WWOX: variants seen among roughly 807,000 people sequenced by gnomAD.
WWOX encodes WW domain-containing oxidoreductase.
A neutral mutation model predicts 46.2 loss-of-function variants in WWOX; 69 were observed. That is an observed-to-expected ratio of 1.49 (90% CI 1.23 to 1.82). The LOEUF (loss-of-function observed/expected upper bound fraction) is 1.82, where lower values mean the gene tolerates loss of function less well. WWOX is among the 40% of genes most tolerant of loss of function. The probability of loss-of-function intolerance (pLI) is 0.00; values close to 1 mark genes in which losing one functional copy is unlikely to be tolerated. For synonymous variants in WWOX, 359 were observed against 202.6 expected (o/e 1.77, Z -6.56); for missense variants, 919 against 542.6 (o/e 1.69, Z -6.89).
At chr16:78,443,993 T>C (rs1164036037) in intron 8 of WWOX, among the ~76,000 whole-genome samples, 4 of 152,170 alleles carry the variant, frequency 2.6e-5, no homozygotes, top group Non-Finnish European at 5.9e-5. Context: ...GAACAGTGAT[T>C]TTTGTATAAC....
intron 8 of WWOX, among the ~76,000 whole-genome samples, chr16:78,528,819 G>C (rs1423963221): frequency 6.6e-6 from 1 of 152,044 alleles, no homozygotes; most frequent in Non-Finnish European, 1.5e-5. Context: ...ATTAAGGATT[G>C]GTAGAAATCA....
intron 5 of WWOX, among the ~76,000 whole-genome samples, chr16:78,277,068 G>C (rs993867128): frequency 6.6e-6 from 1 of 152,172 alleles, no homozygotes; most frequent in African/African-American, 2.4e-5. Context: ...GGTGTGGTCA[G>C]CAGACCCGGT....
intron 8 of WWOX, among the ~76,000 whole-genome samples, chr16:78,810,600 G>A (rs2051163103): frequency 6.6e-6 from 1 of 152,240 alleles, no homozygotes; most frequent in Non-Finnish European, 1.5e-5. Flanking sequence ...AAATTCTGCA[G>A]TGCTGGAGTA....
At chr16:78,792,300 A>T (rs1188584857) in intron 8 of WWOX, among the ~76,000 whole-genome samples, 1 of 152,184 alleles carries the variant, frequency 6.6e-6, no homozygotes, top group Non-Finnish European at 1.5e-5. Context: ...TGGCTGGAGT[A>T]ACCCAGCCCC....
intron 8 of WWOX, among the ~76,000 whole-genome samples, chr16:78,656,250 T>C (rs938515118): frequency 2.0e-5 from 3 of 152,124 alleles, no homozygotes; most frequent in African/African-American, 7.2e-5. Flanking sequence ...CCTTCGGTGG[T>C]AGATCAATGC....
chr16:78,707,058 G>A (rs1483254539), intron 8 of WWOX, among the ~76,000 whole-genome samples: 2 of 152,276 alleles, frequency 1.3e-5, no homozygotes, highest in East Asian at 1.9e-4. Context: ...AGAAAAGAAC[G>A]TATTCCCCTT....
chr16:79,101,461 C>A (rs1448051323), intron 8 of WWOX: 1 of 152,136 alleles, frequency 6.6e-6, no homozygotes, highest in African/African-American at 2.4e-5. Flanking sequence ...TGACAAAGAT[C>A]ATTTGGGAGA....
intron 8 of WWOX, among the ~76,000 whole-genome samples, chr16:78,973,760 T>C (rs1017265502): frequency 6.0e-4 from 91 of 152,342 alleles, no homozygotes; most frequent in African/African-American, 2.2e-3. Context: ...TATTTCTGGG[T>C]ATTTTTAATG....
Position 78,378,659 on chromosome 16 carries a change from A to C in WWOX, c.517-8201A>C, listed in dbSNP as rs145584515. Among the ~76,000 whole-genome samples the C allele has an allele frequency of 2.0e-5, 3 of 152,306 alleles. No homozygotes were observed. The East Asian group carries it at 5.8e-4, about 29-fold the overall frequency. On this transcript the variant is annotated intron_variant, in intron 5 of 8. Transcript: ENST00000566780. ...TTGTAAATGTGACAGCTCCTATTTA[A>C]GGTTTTAGAACATAAAATCAGGACT...
chr16:78,208,507 C>T (rs987353663), intron 5 of WWOX, among the ~76,000 whole-genome samples: 1 of 152,254 alleles, frequency 6.6e-6, no homozygotes, highest in South Asian at 2.1e-4. Context: ...ATACGTGGCA[C>T]TATTTTTTCT....
intron 8 of WWOX, among the ~76,000 whole-genome samples, chr16:79,178,017 G>T (rs952205163): frequency 2.0e-5 from 3 of 152,178 alleles, no homozygotes; most frequent in Non-Finnish European, 4.4e-5. Flanking sequence ...AACTTAGTGG[G>T]AGGGGATAAA....
At chr16:78,823,067 A>C (rs2051548828) in intron 8 of WWOX, among the ~76,000 whole-genome samples, 1 of 152,232 alleles carries the variant, frequency 6.6e-6, no homozygotes, top group Admixed American at 6.5e-5. Flanking sequence ...CATGCTTTGA[A>C]GTTTGAATAC....
Position 78,758,082 on chromosome 16 carries a change from A to G in WWOX, c.1056+325330A>G, listed in dbSNP as rs556810572. On this transcript the variant is annotated intron_variant, in intron 8 of 8. Coordinates refer to ENST00000566780, the MANE Select transcript of WWOX (RefSeq NM_016373.4). ...ATTATTAATATTTAAAATATTGAAG[A>G]TCTAATTAATGTTGAAATTTTTCTT... Among the ~76,000 whole-genome samples, 8 of 152,258 alleles carry G rather than the reference A, an allele frequency of 5.3e-5. No homozygotes were observed. In the South Asian group the frequency reaches 1.0e-3, roughly 20 times the overall value.
intron 8 of WWOX, among the ~76,000 whole-genome samples, chr16:78,846,643 C>A (rs1261996710): frequency 3.3e-5 from 5 of 152,064 alleles, no homozygotes; most frequent in South Asian, 2.1e-4. Context: ...TTAGCCTTGA[C>A]CTCTCGGTTA....
chr16:78,860,225 A>G (rs2052683918), intron 8 of WWOX, among the ~76,000 whole-genome samples: 1 of 152,218 alleles, frequency 6.6e-6, no homozygotes, highest in Non-Finnish European at 1.5e-5. Flanking sequence ...TATTATTTAT[A>G]CTATTTGTCA....
chr16:78,357,562 A>C (rs1174329340), intron 5 of WWOX, among the ~76,000 whole-genome samples: 1 of 152,172 alleles, frequency 6.6e-6, no homozygotes, highest in Non-Finnish European at 1.5e-5. Flanking sequence ...TAATCAGAGA[A>C]AACGTGGTCT....
At chr16:78,916,751 A>T (rs966128079) in intron 8 of WWOX, among the ~76,000 whole-genome samples, 1 of 152,234 alleles carries the variant, frequency 6.6e-6, no homozygotes, top group Non-Finnish European at 1.5e-5. Context: ...TGTCTGATAA[A>T]TTCTGGGAAA....
intron 8 of WWOX, among the ~76,000 whole-genome samples, chr16:79,201,241 C>T (rs529999291): frequency 6.9e-4 from 105 of 152,272 alleles, no homozygotes; most frequent in African/African-American, 2.5e-3. Flanking sequence ...TGATTCTCAG[C>T]TCCCTCCAGG....
At chr16:78,952,077 C>G (rs145651196) in intron 8 of WWOX, among the ~76,000 whole-genome samples, 5 of 152,162 alleles carry the variant, frequency 3.3e-5, no homozygotes, top group Non-Finnish European at 4.4e-5. Flanking sequence ...ACCTACAATC[C>G]CTCGACCCAG....
Sources: allele counts gnomAD v4.1 joint callset (sites outside exome capture counted in the v4.1 genomes callset), GRCh38; gene constraint gnomAD v4.1.1; transcripts MANE v1.5; gene names NCBI Gene and HGNC (gene_info 2026-07-23, HGNC 2026-07-21).